SAMD12: variants seen among roughly 807,000 people sequenced by gnomAD.
SAMD12 encodes sterile alpha motif domain containing 12.
In SAMD12, 9 loss-of-function variants were observed where a neutral mutation model predicts 15.0. The ratio of observed to expected loss-of-function variants is 0.60; its 90% CI spans 0.36 to 1.05. The LOEUF (loss-of-function observed/expected upper bound fraction) is 1.05. Ranked by LOEUF, SAMD12 falls within the 50% of genes least tolerant of loss-of-function variation. SAMD12 has a pLI of 0.01. For missense variants in SAMD12, 230 were observed against 234.2 expected (o/e 0.98, Z 0.12); for synonymous variants, 86 against 90.1 (o/e 0.96, Z 0.25).
intron 4 of SAMD12, among the ~76,000 whole-genome samples, chr8:118,350,546 G>C (rs1263200148): frequency 6.6e-6 from 1 of 152,172 alleles, no homozygotes; most frequent in African/African-American, 2.4e-5. Flanking sequence ...TGAGTTAAAA[G>C]AATGTGAAGT....
chr8:118,573,974 CAA>C (rs2131242350), intron 2 of SAMD12, among the ~76,000 whole-genome samples: 1 of 152,220 alleles, frequency 6.6e-6, no homozygotes, highest in South Asian at 2.1e-4. Flanking sequence ...AGAAAACAAA[CAA>C]GATGATTTCA....
At chr8:118,418,478 G>T (rs1821826646) in intron 3 of SAMD12, among the ~76,000 whole-genome samples, 2 of 152,320 alleles carry the variant, frequency 1.3e-5, no homozygotes, top group East Asian at 3.9e-4. Flanking sequence ...CACTTTGGGA[G>T]GCCGAGGCGG....
At chr8:118,182,397 A>G in the SAMD12 span, among the ~76,000 whole-genome samples, 3 of 152,220 alleles carry the variant, frequency 2.0e-5, no homozygotes, top group African/African-American at 4.8e-5. Flanking sequence ...TCAAATCACT[A>G]TGATGGCCTG....
chr8:118,298,879 T>C (rs1563744318), intron 4 of SAMD12, among the ~76,000 whole-genome samples: 1 of 152,236 alleles, frequency 6.6e-6, no homozygotes, highest in Admixed American at 6.5e-5. Flanking sequence ...AGTTGGTATT[T>C]TGAAGCATTT....
intron 2 of SAMD12, among the ~76,000 whole-genome samples, chr8:118,452,954 C>T (rs994928709): frequency 6.6e-6 from 1 of 152,138 alleles, no homozygotes; most frequent in South Asian, 2.1e-4. Flanking sequence ...TGAGAATGAT[C>T]AAGAATTAGC....
At chr8:118,139,215 TAA>T in the SAMD12 span, among the ~76,000 whole-genome samples, 12 of 140,314 alleles carry the variant, frequency 8.6e-5, no homozygotes, top group South Asian at 2.3e-4. Context: ...TGGCAGACAT[TAA>T]AAAAAAAAAA....
At chr8:118,269,037 C>T (rs1813272713) in intron 4 of SAMD12, among the ~76,000 whole-genome samples, 1 of 152,040 alleles carries the variant, frequency 6.6e-6, no homozygotes, top group South Asian at 2.1e-4. Context: ...GATTGTTTCT[C>T]AAACTTTCCA....
chr8:118,157,752 T>C, the SAMD12 span, among the ~76,000 whole-genome samples: 1 of 152,116 alleles, frequency 6.6e-6, no homozygotes, highest in Admixed American at 6.5e-5. Flanking sequence ...TGGAATAAAA[T>C]TGTAGGGCAT....
intron 2 of SAMD12, among the ~76,000 whole-genome samples, chr8:118,500,638 T>G (rs1038568303): frequency 5.3e-5 from 8 of 151,944 alleles, no homozygotes; most frequent in African/African-American, 1.9e-4. Flanking sequence ...AAACACCGTC[T>G]CTACTAAAAA....
intron 4 of SAMD12, among the ~76,000 whole-genome samples, chr8:118,370,458 C>A (rs1419698596): frequency 6.6e-6 from 1 of 152,138 alleles, no homozygotes; most frequent in Admixed American, 6.5e-5. Context: ...GAATATAAAT[C>A]ATTCTGTTTT....
At chr8:118,154,916 G>A in the SAMD12 span, among the ~76,000 whole-genome samples, 4 of 152,162 alleles carry the variant, frequency 2.6e-5, no homozygotes, top group Admixed American at 6.5e-5. Flanking sequence ...GGACCAGTTT[G>A]GGGCAGCAAA....
At chr8:118,497,888 G>A (rs886640904) in intron 2 of SAMD12, among the ~76,000 whole-genome samples, 18 of 151,980 alleles carry the variant, frequency 1.2e-4, no homozygotes, top group Non-Finnish European at 1.9e-4. Context: ...AATCTAGTAA[G>A]AAATGCTAAT....
intron 4 of SAMD12, among the ~76,000 whole-genome samples, chr8:118,274,695 A>G (rs1331430734): frequency 1.3e-5 from 2 of 152,174 alleles, no homozygotes; most frequent in African/African-American, 4.8e-5. Context: ...TTGTATATAA[A>G]CTGCATATAA....
chr8:118,529,020 G>A (rs1052885714), intron 2 of SAMD12, among the ~76,000 whole-genome samples: 1 of 152,192 alleles, frequency 6.6e-6, no homozygotes, highest in East Asian at 1.9e-4. Context: ...GCTTGCAAGG[G>A]TGCCACTTCC....
the SAMD12 span, among the ~76,000 whole-genome samples, chr8:118,161,109 C>A: frequency 6.6e-6 from 1 of 152,096 alleles, no homozygotes; most frequent in Non-Finnish European, 1.5e-5. Flanking sequence ...CATGTCCCTG[C>A]AAAGGACATG....
At chr8:118,457,223 T>TCTC (rs34250436) in intron 2 of SAMD12, among the ~76,000 whole-genome samples, 11 of 125,520 alleles carry the variant, frequency 8.8e-5, no homozygotes, top group South Asian at 2.5e-4. Context: ...TCTCTCTCTC[T>TCTC]TTTTTTTTTT....
chr8:118,528,422 A>C (rs1234287790), intron 2 of SAMD12, among the ~76,000 whole-genome samples: 2 of 152,230 alleles, frequency 1.3e-5, no homozygotes, highest in African/African-American at 4.8e-5. Context: ...TTTCTTCCTG[A>C]TATGTAGACA....
the SAMD12 span, among the ~76,000 whole-genome samples, chr8:118,146,144 A>T: frequency 6.6e-6 from 1 of 152,226 alleles, no homozygotes; most frequent in Non-Finnish European, 1.5e-5. Context: ...AGGAAGATGT[A>T]GGGTTTAAGA....
Position 118,542,991 on chromosome 8 carries a change from G to A in SAMD12, c.192+37724C>T, listed in dbSNP as rs574477520. ...GAATGGAAGAAGTGAAGGAAAGAGGGAGGCGAGAAAATAAGGAAGGAAAAA... is the reference window on the plus strand; with the variant it reads ...GAATGGAAGAAGTGAAGGAAAGAGGAAGGCGAGAAAATAAGGAAGGAAAAA... On this transcript the variant is annotated intron_variant, in intron 2 of 3. Coordinates refer to ENST00000314727, the MANE Select transcript of SAMD12 (RefSeq NM_207506.3). Among the ~76,000 whole-genome samples the A allele has an allele frequency of 4.7e-4, 71 of 152,118 alleles. No homozygotes were observed. In the South Asian group the frequency reaches 0.014, roughly 31 times the overall value.
Sources: allele counts gnomAD v4.1 joint callset (sites outside exome capture counted in the v4.1 genomes callset), GRCh38; gene constraint gnomAD v4.1.1; transcripts MANE v1.5; gene names NCBI Gene and HGNC (gene_info 2026-07-23, HGNC 2026-07-21).